ZNF630: variants seen among roughly 807,000 people sequenced by gnomAD.
ZNF630 encodes the protein dJ54B20.2 (novel KRAB box containing C2H2 type zinc finger protein).
In ZNF630, 5 loss-of-function variants were observed where a neutral mutation model predicts 7.2. The observed-to-expected ratio is 0.70, with a 90% CI of 0.36 to 1.46. The LOEUF is 1.46. Among genes scored for constraint, ZNF630 ranks in the 40% most tolerant of loss-of-function variants. The pLI is 0.03. For missense variants in ZNF630, 461 were observed against 477.0 expected, an observed-to-expected ratio of 0.97 and a Z score of 0.31; for synonymous variants, 158 against 162.8, an observed-to-expected ratio of 0.97 and a Z score of 0.23.
Position 48,058,645 on chromosome X carries a change from A to G in ZNF630, c.1797T>C (p.Pro599=). Residue 599 remains proline, a synonymous_variant, in exon 5 of 5, where the codon CCT becomes CCC. Transcript: ENST00000276054. ...HQKTHPREKT[P]ECAESGMTFF... is the part of the protein sequence containing the mutation. ...AAGTCATTCCAGACTCAGCACATTCAGGGGTTTTCTCCCTAGGATGAGTTT... is the reference window on the plus strand; with the variant it reads ...AAGTCATTCCAGACTCAGCACATTCGGGGGTTTTCTCCCTAGGATGAGTTT... The G allele has an allele frequency of 8.3e-7, 1 of 1,207,671 alleles. No individual in the cohort carries two copies. Among genetic ancestry groups the G allele is most frequent in the East Asian group, 3.0e-5 (1 of 33,793 alleles).
At chrX:48,068,702 G>C (rs782403983) in intron 1 of ZNF630, among the ~76,000 whole-genome samples, 9 of 110,904 alleles carry the variant, frequency 8.1e-5, no homozygotes, top group Non-Finnish European at 1.3e-4. Context: ...CCCTGGTCTA[G>C]ATAAAACAAG....
intron 2 of ZNF630, among the ~76,000 whole-genome samples, chrX:48,063,112 CAGTTATTG>C (rs1162153336): frequency 3.7e-5 from 4 of 109,432 alleles, no homozygotes; most frequent in Non-Finnish European, 5.7e-5. Context: ...ACTCAGCAAG[CAGTTATTG>C]AGTACCTAGC....
In ZNF630 at chrX:48,060,364, T is replaced by C. The variant is rs930248821; in HGVS notation, c.238+86A>G. The stretch of plus-strand genomic sequence containing the variant: ...ATGTTATAAAGGAGGCCTGATAAAT[T>C]TTAAGGAAGAAAAAAGGTAACGGAT... On this transcript the variant is annotated intron_variant, in intron 4 of 4. Transcript: ENST00000276054. 1.8e-5 allele frequency: 19 copies of C among 1,045,752 alleles called. 1 individual carries two copies. The highest frequency in any genetic ancestry group is 1.5e-4 in the Admixed American group (5 of 34,367). 86.2% of individuals were successfully genotyped at this position (1,045,752 alleles called of 1,213,427 possible). A position where few individuals can be genotyped will look rare whatever the true frequency, so the allele number is the denominator to read the frequency against.
chrX:48,064,276 A>G (rs1467843521), intron 2 of ZNF630, among the ~76,000 whole-genome samples: 2 of 111,697 alleles, frequency 1.8e-5, no homozygotes, highest in Non-Finnish European at 3.8e-5. Flanking sequence ...TAAAAGAAAA[A>G]CTAGAAATAA....
At chrX:48,068,261 G>GAGGAAGGAAGGAAGGA (rs57262250) in intron 1 of ZNF630, among the ~76,000 whole-genome samples, 11 of 93,254 alleles carry the variant, frequency 1.2e-4, no homozygotes, top group African/African-American at 4.3e-4. Flanking sequence ...GGGAGGGAGA[G>GAGGAAGGAAGGAAGGA]AGGAAGGAAG....
Position 48,059,976 on chromosome X carries a change from T to G in ZNF630, c.466A>C (p.Ser156Arg), listed in dbSNP as rs1556908830. 1 of 1,208,736 alleles carries G rather than the reference T, an allele frequency of 8.3e-7. No individual in the cohort carries two copies. Among genetic ancestry groups the G allele is most frequent in the East Asian group, 3.0e-5 (1 of 33,807 alleles). The change falls in exon 5 of 5, where the codon AGT (serine) becomes CGT (arginine). Residue 156 changes from serine (S) to arginine (R), a missense_variant. Coordinates refer to ENST00000276054, the MANE Select transcript of ZNF630 (RefSeq NM_001282201.2). Reference sequence around the variant, plus strand: ...CGATTGAACATTTTCCCAAATGCACTGTACTTGGAACCCATCTCATCAGTC... The same window carrying G: ...CGATTGAACATTTTCCCAAATGCACGGTACTTGGAACCCATCTCATCAGTC... Reference protein sequence around the residue: ...TLTDEMGSKYSAFGKMFNRCT... With the variant: ...TLTDEMGSKYRAFGKMFNRCT...
At position 48,060,115 on chromosome X, in the gene ZNF630, A is replaced by G; in HGVS notation, c.327T>C (p.Asp109=). The change falls in exon 5 of 5, where the codon GAT becomes GAC. Residue 109 remains aspartate (D), a synonymous_variant. Transcript: ENST00000276054. ...TTTTTAAAACAGAGTACAATGAATT[A>G]TCCTTTGGGGCTCTTTCTAGTATCT... The part of the protein sequence containing the change: ...QREILERAPK[D]NSLYSVLKIW... The G allele has an allele frequency of 8.5e-7, 1 of 1,179,848 alleles. No individual in the cohort carries two copies. Among genetic ancestry groups the G allele is most frequent in the African/African-American group, 1.8e-5 (1 of 56,453 alleles).
chrX:48,068,367 T>C (rs1556910493), intron 1 of ZNF630, among the ~76,000 whole-genome samples: 1 of 110,730 alleles, frequency 9.0e-6, no homozygotes. Context: ...TGGCAAACTT[T>C]TTCTGTAAAA....
intron 3 of ZNF630, 113 bp downstream of exon 3, chrX:48,060,706 C>T (rs2059101283): frequency 7.1e-6 from 7 of 979,288 alleles, no homozygotes; most frequent in South Asian, 2.7e-5. Flanking sequence ...AAAACCAAAA[C>T]TATAAAAGAA....
chrX:48,059,794 A>G lies in ZNF630; in HGVS notation c.648T>C (p.Asn216=). ...RFRCGRPPKY[N]ASCSVPEKEG... ...CCTTCTCAGGCACAGAACAGGAAGC[A>G]TTATACTTAGGTGGTCTCCCACATC... The change falls in exon 5 of 5, where the codon AAT becomes AAC. Residue 216 remains asparagine (N), a synonymous_variant. Transcript: ENST00000276054. The G allele has an allele frequency of 8.3e-7, 1 of 1,208,802 alleles. No homozygotes were observed. Among genetic ancestry groups the G allele is most frequent in the Non-Finnish European group, 1.1e-6 (1 of 893,341 alleles).
chrX:48,064,991 C>T (rs1390216576), intron 2 of ZNF630, among the ~76,000 whole-genome samples: 2 of 112,070 alleles, frequency 1.8e-5, no homozygotes, highest in Non-Finnish European at 3.8e-5. Flanking sequence ...TCAGATACTT[C>T]GATCTGTCCC....
chrX:48,063,921 C>A (rs2146506137), intron 2 of ZNF630, among the ~76,000 whole-genome samples: 1 of 111,098 alleles, frequency 9.0e-6, no homozygotes, highest in Non-Finnish European at 1.9e-5. Context: ...TTGAAAAATA[C>A]TCTTTAAATT....
chrX:48,069,843 T>TTTTG (rs2059150917), intron 1 of ZNF630, among the ~76,000 whole-genome samples: 1 of 31,168 alleles, frequency 3.2e-5, no homozygotes, highest in African/African-American at 9.2e-5. Flanking sequence ...CATTGTCTGT[T>TTTTG]TTTTTTTTTT....
At chrX:48,060,707 T>G in intron 3 of ZNF630, 112 bp downstream of exon 3, 1 of 980,213 alleles carries the variant, frequency 1.0e-6, no homozygotes, top group Non-Finnish European at 1.4e-6. Context: ...AAACCAAAAC[T>G]ATAAAAGAAC....
intron 1 of ZNF630, among the ~76,000 whole-genome samples, chrX:48,069,249 AAAAAGG>A (rs1474101513): frequency 9.1e-6 from 1 of 109,719 alleles, no homozygotes; most frequent in Non-Finnish European, 1.9e-5. Context: ...AAAGAAAAAA[AAAAAGG>A]AAAAGAAAAG....
intron 4 of ZNF630, 47 bp downstream of exon 4, chrX:48,060,403 A>G: frequency 9.0e-7 from 1 of 1,111,839 alleles, no homozygotes; most frequent in Admixed American, 2.6e-5. Flanking sequence ...AGAGATGTCA[A>G]GGAAGAAGAA....
chrX:48,062,632 G>T (rs1013107163), intron 2 of ZNF630, among the ~76,000 whole-genome samples: 1 of 111,754 alleles, frequency 8.9e-6, no homozygotes, highest in East Asian at 2.8e-4. Context: ...TACTCAGGCG[G>T]CTGAGGCAGG....
At chrX:48,068,780 C>G (rs1426172048) in intron 1 of ZNF630, among the ~76,000 whole-genome samples, 2 of 111,088 alleles carry the variant, frequency 1.8e-5, no homozygotes, top group Non-Finnish European at 3.8e-5. Context: ...ATACAATTCC[C>G]TCTATTTTTG....
chrX:48,061,161 T>C (rs1340887194), intron 2 of ZNF630, among the ~76,000 whole-genome samples: 1 of 111,188 alleles, frequency 9.0e-6, no homozygotes, highest in Non-Finnish European at 1.9e-5. Context: ...AAGGTAGCAT[T>C]TTAAACAGGA....
Sources: gnomAD v4.1 joint callset for allele counts (sites outside exome capture counted in the v4.1 genomes callset) on GRCh38, gnomAD v4.1.1 for gene constraint, MANE v1.5 for transcripts, NCBI Gene and HGNC (gene_info 2026-07-23, HGNC 2026-07-21) for gene names.